TSPAN18: variants seen among roughly 807,000 people sequenced by gnomAD.
TSPAN18 encodes tetraspanin-18.
Under a neutral mutation model 27.3 loss-of-function variants are expected in TSPAN18, and 14 were observed. The observed-to-expected ratio is 0.51, with a 90% CI of 0.34 to 0.80. TSPAN18 has a LOEUF of 0.80. Among genes scored for constraint, TSPAN18 ranks in the 30% least tolerant of loss-of-function variants. TSPAN18 has a pLI of 0.01. For synonymous variants in TSPAN18, 143 were observed against 136.5 expected (o/e 1.05, Z -0.33); for missense variants, 268 against 323.9 (o/e 0.83, Z 1.32).
chr11:44,779,454 C>G (rs17778846), intron 2 of TSPAN18, among the ~76,000 whole-genome samples: 20,572 of 152,160 alleles, frequency 0.14, 1,880 homozygotes, highest in Non-Finnish European at 0.2. Flanking sequence ...GTTTTAGACC[C>G]TGGAGAAGGT....
intron 2 of TSPAN18, among the ~76,000 whole-genome samples, chr11:44,829,773 G>A (rs1207871290): frequency 6.6e-6 from 1 of 152,170 alleles, no homozygotes; most frequent in Non-Finnish European, 1.5e-5. Context: ...CTCTTCCAAA[G>A]TGGCTGCACC....
chr11:44,837,887 C>T (rs1282355663), intron 2 of TSPAN18, among the ~76,000 whole-genome samples: 1 of 152,162 alleles, frequency 6.6e-6, no homozygotes, highest in African/African-American at 2.4e-5. Flanking sequence ...GTATGGTGTA[C>T]ACATAACTTT....
chr11:44,926,421 T>C lies in TSPAN18; in HGVS notation c.616-253T>C, dbSNP rs1032138965. 7 of 489,914 alleles carry C rather than the reference T, an allele frequency of 1.4e-5. No homozygotes were observed. The Admixed American group carries it at 2.1e-4, about 15-fold the overall frequency. 30.3% of individuals were successfully genotyped at this position (489,914 alleles called of 1,614,324 possible). ...ATCACTGTAGTTGCAACATTAGACA[T>C]GGCCTGCACGCTGTCAGTTCTCTGT... On this transcript the variant is annotated intron_variant, in intron 8 of 9. Coordinates refer to ENST00000520358, the MANE Select transcript of TSPAN18 (RefSeq NM_130783.5).
intron 4 of TSPAN18, among the ~76,000 whole-genome samples, chr11:44,908,794 A>AG (rs369842204): frequency 1.2e-4 from 9 of 77,828 alleles, no homozygotes; most frequent in East Asian, 6.1e-4. Flanking sequence ...AAAGAAAGAA[A>AG]GAAAGAAAGA....
chr11:44,756,841 G>A (rs906753288), intron 1 of TSPAN18, among the ~76,000 whole-genome samples: 4 of 152,170 alleles, frequency 2.6e-5, no homozygotes, highest in African/African-American at 9.7e-5. Context: ...TTATTTGCAT[G>A]TTTTAGCTGT....
intron 2 of TSPAN18, among the ~76,000 whole-genome samples, chr11:44,829,053 T>C (rs1040757133): frequency 1.3e-5 from 2 of 152,224 alleles, no homozygotes; most frequent in Non-Finnish European, 2.9e-5. Context: ...AGAAAAAATT[T>C]AGGTTTACAA....
intron 1 of TSPAN18, among the ~76,000 whole-genome samples, chr11:44,754,038 G>A (rs1169126836): frequency 6.6e-6 from 1 of 152,176 alleles, no homozygotes; most frequent in Non-Finnish European, 1.5e-5. Flanking sequence ...AAGCTTAGGA[G>A]GGACAAGTGT....
At chr11:44,827,672 A>G (rs1170346979) in intron 2 of TSPAN18, among the ~76,000 whole-genome samples, 1 of 152,232 alleles carries the variant, frequency 6.6e-6, no homozygotes, top group Non-Finnish European at 1.5e-5. Flanking sequence ...ACCACTTGTG[A>G]TTTTGAATAC....
At chr11:44,775,707 G>A (rs1590449121) in intron 2 of TSPAN18, among the ~76,000 whole-genome samples, 1 of 152,190 alleles carries the variant, frequency 6.6e-6, no homozygotes, top group Non-Finnish European at 1.5e-5. Flanking sequence ...TTCTTGCCAC[G>A]CTGGAGGGAG....
intron 6 of TSPAN18, among the ~76,000 whole-genome samples, 199 bp downstream of exon 6, chr11:44,918,245 C>A (rs1859987307): frequency 6.6e-6 from 1 of 152,230 alleles, no homozygotes; most frequent in African/African-American, 2.4e-5. Context: ...CCTGTTCCTG[C>A]AAGGGCTTTT....
intron 1 of TSPAN18, among the ~76,000 whole-genome samples, chr11:44,761,507 T>C (rs1855454832): frequency 6.6e-6 from 1 of 152,178 alleles, no homozygotes; most frequent in Non-Finnish European, 1.5e-5. Context: ...AGTGCTGGGT[T>C]TTGCCTCTTC....
chr11:44,783,008 T>A (rs1855974460), intron 2 of TSPAN18, among the ~76,000 whole-genome samples: 1 of 152,126 alleles, frequency 6.6e-6, no homozygotes, highest in Non-Finnish European at 1.5e-5. Context: ...TTTGTATTTT[T>A]AGTAGAGATG....
In TSPAN18 at chr11:44,926,770, C is replaced by T. The variant is rs777021139; in HGVS notation, c.699+13C>T. ...ACTGGCCATCGAGGTAAGTAAAGGC[C>T]CCCACTTCTGCCGCTCCCCAGGATG... On this transcript the variant is annotated intron_variant, in intron 9 of 9. Coordinates refer to ENST00000520358, the MANE Select transcript of TSPAN18 (RefSeq NM_130783.5). 2 of 1,613,798 alleles carry T rather than the reference C, an allele frequency of 1.2e-6. No homozygotes were observed. The highest frequency in any genetic ancestry group is 2.7e-5 in the African/African-American group (2 of 75,042).
intron 2 of TSPAN18, among the ~76,000 whole-genome samples, chr11:44,821,525 C>T (rs1276734257): frequency 1.3e-5 from 2 of 152,164 alleles, no homozygotes; most frequent in Admixed American, 6.6e-5. Flanking sequence ...TCTTGAAGTA[C>T]ATCATCTTCA....
intron 2 of TSPAN18, among the ~76,000 whole-genome samples, chr11:44,827,190 G>A (rs1482430968): frequency 6.6e-6 from 1 of 152,246 alleles, no homozygotes; most frequent in Non-Finnish European, 1.5e-5. Flanking sequence ...CTGGCTGGTT[G>A]CTATAATCTG....
chr11:44,780,600 T>C (rs1370121912), intron 2 of TSPAN18, among the ~76,000 whole-genome samples: 1 of 152,282 alleles, frequency 6.6e-6, no homozygotes, highest in Non-Finnish European at 1.5e-5. Context: ...ATGGTTCTGA[T>C]ATTTGTTGAG....
chr11:44,832,167 G>A (rs79442239), intron 2 of TSPAN18, among the ~76,000 whole-genome samples: 3,424 of 152,218 alleles, frequency 0.022, 133 homozygotes, highest in African/African-American at 0.077. Context: ...CATCAGAGGA[G>A]GCGACATCGC....
At chr11:44,746,864 G>A (rs1279728703) in intron 1 of TSPAN18, among the ~76,000 whole-genome samples, 4 of 152,234 alleles carry the variant, frequency 2.6e-5, no homozygotes, top group Non-Finnish European at 5.9e-5. Flanking sequence ...TTCCCCCACT[G>A]CTTGCCTGGT....
intron 2 of TSPAN18, among the ~76,000 whole-genome samples, chr11:44,827,579 G>A (rs534010584): frequency 6.6e-6 from 1 of 152,200 alleles, no homozygotes; most frequent in East Asian, 1.9e-4. Context: ...TCCCACCCTG[G>A]GGTCATCAGG....
Sources: gnomAD v4.1 joint callset for allele counts (sites outside exome capture counted in the v4.1 genomes callset) on GRCh38, gnomAD v4.1.1 for gene constraint, MANE v1.5 for transcripts, NCBI Gene and HGNC (gene_info 2026-07-23, HGNC 2026-07-21) for gene names.